ZDHHC13: variants seen among roughly 807,000 people sequenced by gnomAD.
The protein encoded by ZDHHC13 is zDHHC palmitoyltransferase 13.
ZDHHC13 carries 85 observed loss-of-function variants against 86.0 expected under a neutral mutation model. The observed-to-expected ratio is 0.99, with a 90% CI of 0.83 to 1.18. The LOEUF is 1.18. Among genes scored for constraint, ZDHHC13 ranks in the 50% most tolerant of loss-of-function variants. The pLI is 0.00. For missense variants in ZDHHC13, 711 were observed against 730.2 expected, an observed-to-expected ratio of 0.97 and a Z score of 0.30; for synonymous variants, 263 against 246.4, an observed-to-expected ratio of 1.07 and a Z score of -0.63.
intron 1 of ZDHHC13, among the ~76,000 whole-genome samples, chr11:19,131,764 G>C (rs1565020956): frequency 6.6e-6 from 1 of 152,060 alleles, no homozygotes; most frequent in Admixed American, 6.5e-5. Context: ...CTCTCGAGCA[G>C]CTGAGATTAC....
intron 16 of ZDHHC13, among the ~76,000 whole-genome samples, chr11:19,174,866 T>C (rs1293734857): frequency 3.9e-5 from 6 of 152,144 alleles, no homozygotes; most frequent in Non-Finnish European, 8.8e-5. Flanking sequence ...AGGAGATTTA[T>C]AAAGATGCAC....
At chr11:19,129,799 A>G (rs1186514432) in intron 1 of ZDHHC13, among the ~76,000 whole-genome samples, 1 of 152,114 alleles carries the variant, frequency 6.6e-6, no homozygotes, top group Non-Finnish European at 1.5e-5. Flanking sequence ...CTGCCTCATA[A>G]AATGAGCTGG....
chr11:19,155,920 T>C lies in ZDHHC13; in HGVS notation c.998T>C (p.Leu333Ser), dbSNP rs1382666179. 2 of 1,607,102 alleles carry C rather than the reference T, an allele frequency of 1.2e-6. No homozygotes were observed. The highest frequency in any genetic ancestry group is 1.7e-6 in the Non-Finnish European group (2 of 1,178,596). The change falls in exon 9 of 17, where the codon TTG (leucine) becomes TCG (serine). Residue 333 changes from leucine (L) to serine (S), a missense_variant. By Grantham distance (145) the Leu-to-Ser change is moderately radical. Transcript: ENST00000446113. ...LLVTLFFLTS[L>S]FPRFLVGYKN... is the part of the protein sequence containing the mutation. ...GTAACACTGTTTTTTCTGACATCTT[T>C]GTTTCCAAGGTGTGTATGTTAATTT...
chr11:19,118,502 G>A lies in ZDHHC13; in HGVS notation c.27+1226G>A, dbSNP rs1035184253. ...ATTCTTTTTCTCAGAGAGGCTCAAA[G>A]AAAAGTTGGTAGGAGTAACTATTAT... On this transcript the variant is annotated intron_variant, in intron 1 of 16. Coordinates refer to ENST00000446113, the MANE Select transcript of ZDHHC13 (RefSeq NM_019028.3). Among the ~76,000 whole-genome samples the A allele has an allele frequency of 5.3e-5, 8 of 149,860 alleles. No homozygotes were observed. In the East Asian group the frequency reaches 1.5e-3, roughly 29 times the overall value.
intron 12 of ZDHHC13, 73 bp downstream of exon 12, chr11:19,164,436 T>C (rs1850000637): frequency 1.4e-6 from 2 of 1,400,000 alleles, no homozygotes; most frequent in East Asian, 2.3e-5. Flanking sequence ...TAAGCATTTG[T>C]CAGATCTTCA....
chr11:19,117,224 C>G lies in ZDHHC13; in HGVS notation c.-26C>G. On this transcript the variant is annotated 5_prime_UTR_variant, in exon 1 of 17. Transcript: ENST00000446113. The surrounding 1 kb of genome is among the most constrained non-coding windows in gnomAD (Gnocchi z 4.2). The stretch of plus-strand genomic sequence containing the variant: ...CGGCAGTCGCTACTTGCCTAGTAGC[C>G]TCAGCCGCTGTGGGCTCCTGGGGAG... 1 of 1,529,038 alleles carries G rather than the reference C, an allele frequency of 6.5e-7. No individual in the cohort carries two copies. Among genetic ancestry groups the G allele is most frequent in the Non-Finnish European group, 8.8e-7 (1 of 1,140,726 alleles). 94.7% of individuals were successfully genotyped at this position (1,529,038 alleles called of 1,614,324 possible). A position where few individuals can be genotyped will look rare whatever the true frequency, so the allele number is the denominator to read the frequency against.
intron 3 of ZDHHC13, 113 bp downstream of exon 3, chr11:19,146,416 C>T (rs1565030165): frequency 7.9e-7 from 1 of 1,261,258 alleles, no homozygotes; most frequent in Non-Finnish European, 1.0e-6. Flanking sequence ...TGTAAAAGAA[C>T]ACCCGAAACT....
At chr11:19,118,557 G>C (rs1208340411) in intron 1 of ZDHHC13, among the ~76,000 whole-genome samples, 4 of 152,204 alleles carry the variant, frequency 2.6e-5, no homozygotes, top group African/African-American at 9.7e-5. Context: ...ATTTACAGAA[G>C]GCTTCAAGTG....
chr11:19,118,203 A>T (rs961139569), intron 1 of ZDHHC13, among the ~76,000 whole-genome samples: 2 of 152,194 alleles, frequency 1.3e-5, no homozygotes, highest in East Asian at 3.8e-4. Flanking sequence ...AGCTGTCTTC[A>T]GCTGGAATCA....
chr11:19,144,502 T>C (rs905376937), intron 2 of ZDHHC13, among the ~76,000 whole-genome samples: 2 of 151,724 alleles, frequency 1.3e-5, no homozygotes, highest in Admixed American at 6.6e-5. Flanking sequence ...TATATTCTTA[T>C]TATGTTTCTA....
rs1849584579 is a variant in ZDHHC13 at position 19,150,744 on chromosome 11, T to C, written c.537T>C (p.Asp179=). ...TTGAATAGAGTGTGAATATGACAGATGTAAATGGGCAGACACCTCTCATGT... is the reference window on the plus strand; with the variant it reads ...TTGAATAGAGTGTGAATATGACAGACGTAAATGGGCAGACACCTCTCATGT... ...ISKGQSVNMT[D]VNGQTPLMLS... is the part of the protein sequence containing the mutation. The change falls in exon 6 of 17, where the codon GAT becomes GAC. Residue 179 remains aspartate (D), a synonymous_variant. Coordinates refer to ENST00000446113, the MANE Select transcript of ZDHHC13 (RefSeq NM_019028.3). 11 of 1,610,802 alleles carry C rather than the reference T, an allele frequency of 6.8e-6. No individual in the cohort carries two copies. The highest frequency in any genetic ancestry group is 9.3e-6 in the Non-Finnish European group (11 of 1,177,620).
At chr11:19,132,712 T>C (rs1849028939) in intron 1 of ZDHHC13, among the ~76,000 whole-genome samples, 1 of 152,220 alleles carries the variant, frequency 6.6e-6, no homozygotes, top group African/African-American at 2.4e-5. Context: ...GTGCCCATGA[T>C]TGCAAAATTG....
intron 1 of ZDHHC13, among the ~76,000 whole-genome samples, chr11:19,140,989 G>A (rs1449844044): frequency 1.2e-4 from 18 of 151,300 alleles, no homozygotes; most frequent in Admixed American, 3.9e-4. Flanking sequence ...TGGGTGCAGC[G>A]CACCGGCATG....
At chr11:19,163,512 T>C in intron 11 of ZDHHC13, 85 bp downstream of exon 11, 3 of 1,323,534 alleles carry the variant, frequency 2.3e-6, no homozygotes, top group Non-Finnish European at 2.9e-6. Flanking sequence ...GATGTGTTGC[T>C]TTTTGTTACG....
At chr11:19,133,942 T>TATATATATATATATACACAC in intron 1 of ZDHHC13, among the ~76,000 whole-genome samples, 7 of 96,112 alleles carry the variant, frequency 7.3e-5, no homozygotes, top group South Asian at 3.8e-4. Context: ...TATATATATA[T>TATATATATATATATACACAC]ACACGTATGT....
intron 14 of ZDHHC13, 200 bp downstream of exon 14, chr11:19,166,585 G>A: frequency 1.6e-5 from 6 of 384,364 alleles, no homozygotes; most frequent in Non-Finnish European, 2.8e-5. Flanking sequence ...AGTACTTTAG[G>A]AAAAAAATGT....
intron 4 of ZDHHC13, among the ~76,000 whole-genome samples, chr11:19,148,052 T>A (rs1320465143): frequency 6.6e-6 from 1 of 152,194 alleles, no homozygotes; most frequent in Non-Finnish European, 1.5e-5. Context: ...AAATGTGAAG[T>A]ATATCTCTAT....
intron 15 of ZDHHC13, among the ~76,000 whole-genome samples, chr11:19,171,675 G>A (rs1191076232): frequency 2.0e-5 from 3 of 152,012 alleles, no homozygotes; most frequent in African/African-American, 7.2e-5. Context: ...TTGAGACATT[G>A]TTTCTAATTA....
At chr11:19,156,232 T>C (rs1849753683) in intron 9 of ZDHHC13, among the ~76,000 whole-genome samples, 1 of 152,202 alleles carries the variant, frequency 6.6e-6, no homozygotes, top group Non-Finnish European at 1.5e-5. Flanking sequence ...TTCATAATTA[T>C]TCAAGATTTT....
Sources: gnomAD v4.1 joint callset for allele counts (sites outside exome capture counted in the v4.1 genomes callset) on GRCh38, gnomAD v4.1.1 for gene constraint, Gnocchi (gnomAD v3.1) non-coding constraint, MANE v1.5 for transcripts, NCBI Gene and HGNC (gene_info 2026-07-23, HGNC 2026-07-21) for gene names.